MYRFL: variants seen among roughly 807,000 people sequenced by gnomAD.
MYRFL encodes the protein myelin regulatory factor like.
In MYRFL, 88 loss-of-function variants were observed where a neutral mutation model predicts 109.4. The observed-to-expected ratio is 0.80, with a 90% CI of 0.68 to 0.96. The LOEUF is 0.96. MYRFL is among the 40% of genes least tolerant of loss of function. The pLI is 0.00. For missense variants in MYRFL, 957 were observed against 954.9 expected, an observed-to-expected ratio of 1.00 and a Z score of -0.03; for synonymous variants, 324 against 320.9, an observed-to-expected ratio of 1.01 and a Z score of -0.10.
At chr12:69,826,614 T>G (rs1882294332) in intron 1 of MYRFL, among the ~76,000 whole-genome samples, 1 of 152,070 alleles carries the variant, frequency 6.6e-6, no homozygotes, top group African/African-American at 2.4e-5. Context: ...CTGTCCTTGT[T>G]TATACTATTT....
chr12:69,860,826 G>A (rs1306111353), intron 2 of MYRFL, among the ~76,000 whole-genome samples: 4 of 148,394 alleles, frequency 2.7e-5, no homozygotes, highest in Non-Finnish European at 6.0e-5. Context: ...TGCCATGCTG[G>A]TGTGCTGCCC....
At chr12:69,947,763 C>T (rs1955877239) in intron 19 of MYRFL, among the ~76,000 whole-genome samples, 1 of 152,118 alleles carries the variant, frequency 6.6e-6, no homozygotes. Context: ...TTTTAAAGAA[C>T]TCAGCCATCG....
rs71098067 is a variant in MYRFL, at chr12:69,936,078, GTTTTTTTTTTTTTTTTT to G, written c.1917-22_1917-6del. The G allele has an allele frequency of 1.3e-4, 117 of 893,956 alleles. 1 individual carries two copies. The African/African-American group carries it at 2.4e-3, about 19-fold the overall frequency. The allele number at this position is 893,956 out of a possible 1,614,324, so 55.4% of individuals were successfully genotyped here. ...TCTGGAAACAAATCTGCCACATAATGTTTTTTTTTTTTTTTTTTTTTTTTTTTTTGACAGTGCTTTGA... is the reference window on the plus strand; with the variant it reads ...TCTGGAAACAAATCTGCCACATAATGTTTTTTTTTTTTGACAGTGCTTTGA... On this transcript the variant is annotated intron_variant, in intron 16 of 24. Transcript: ENST00000552032.
At chr12:69,854,290 C>A (rs11177903) in intron 1 of MYRFL, among the ~76,000 whole-genome samples, 1 of 150,068 alleles carries the variant, frequency 6.7e-6, no homozygotes, top group Non-Finnish European at 1.5e-5. Context: ...GCCGAGATGG[C>A]GGCAGCACAG....
At chr12:69,861,512 T>C (rs1286026359) in intron 2 of MYRFL, among the ~76,000 whole-genome samples, 3 of 152,224 alleles carry the variant, frequency 2.0e-5, no homozygotes, top group Non-Finnish European at 4.4e-5. Flanking sequence ...TGATGAGCAT[T>C]TTTTCATGTG....
intron 1 of MYRFL, among the ~76,000 whole-genome samples, chr12:69,853,054 A>T (rs1883985524): frequency 6.6e-6 from 1 of 152,196 alleles, no homozygotes. Flanking sequence ...TTTCTGTTCG[A>T]CAAAACCACC....
intron 1 of MYRFL, among the ~76,000 whole-genome samples, chr12:69,836,022 G>A (rs1042120797): frequency 2.0e-5 from 3 of 152,200 alleles, no homozygotes; most frequent in Non-Finnish European, 2.9e-5. Flanking sequence ...TTGGTGTACC[G>A]GAAGAATCGG....
At chr12:69,893,897 T>C in intron 8 of MYRFL, 57 bp downstream of exon 8, 1 of 687,382 alleles carries the variant, frequency 1.5e-6, no homozygotes, top group African/African-American at 1.9e-5. Context: ...ACACCTACTT[T>C]GTTTTTTATA....
At chr12:69,944,611 C>T (rs1372347121) in intron 19 of MYRFL, among the ~76,000 whole-genome samples, 1 of 151,410 alleles carries the variant, frequency 6.6e-6, no homozygotes, top group East Asian at 1.9e-4. Flanking sequence ...GTGCAGCACA[C>T]CAGCATGGCA....
At chr12:69,872,202 G>C (rs920996296) in intron 2 of MYRFL, among the ~76,000 whole-genome samples, 2 of 152,164 alleles carry the variant, frequency 1.3e-5, no homozygotes, top group African/African-American at 4.8e-5. Flanking sequence ...TCATGAAACT[G>C]CTTCACCCTT....
chr12:69,853,500 G>A lies in MYRFL; in HGVS notation c.47-1780G>A, dbSNP rs957437893. 1.0e-4 allele frequency among the ~76,000 whole-genome samples: 14 copies of A among 134,900 alleles called. No homozygotes were observed. In the East Asian group the frequency reaches 1.7e-3, roughly 16 times the overall value. The allele number at this position is 134,900 out of a possible 152,430, so 88.5% of individuals were successfully genotyped here. A position where few individuals can be genotyped will look rare whatever the true frequency, so the allele number is the denominator to read the frequency against. On this transcript the variant is annotated intron_variant, in intron 1 of 24. Transcript: ENST00000552032. ...CGGAGTCGCGGCCAGGCAGAGGCGC[G>A]CCTCACATCCCAGACGGGGCGGCGG...
rs147744686 is a variant in MYRFL, at chr12:69,891,682, T to TTTCGTTCGTTCG, written c.903+520_903+531dup. Among the ~76,000 whole-genome samples, 3 of 101,558 alleles carry TTTCGTTCGTTCG rather than the reference T, an allele frequency of 3.0e-5. No individual in the cohort carries two copies. The South Asian group carries it at 1.2e-3, about 39-fold the overall frequency. 66.6% of individuals were successfully genotyped at this position (101,558 alleles called of 152,430 possible). ...CTTTCTTTCTTTCTTTCTTTCTTTC[T>TTTCGTTCGTTCG]TTCGTTCGTTCGTTCTTTCTTTCTT... On this transcript the variant is annotated intron_variant, in intron 7 of 24. Coordinates refer to ENST00000552032, the MANE Select transcript of MYRFL (RefSeq NM_182530.3).
At chr12:69,891,605 C>CCTCCTTCCTTTCTTTT (rs1886832472) in intron 7 of MYRFL, among the ~76,000 whole-genome samples, 1 of 53,122 alleles carries the variant, frequency 1.9e-5, no homozygotes, top group African/African-American at 5.1e-5. Flanking sequence ...TTCTTTCTTT[C>CCTCCTTCCTTTCTTTT]TCTTTCTTTC....
chr12:69,951,388 C>G (rs117421773), intron 19 of MYRFL, among the ~76,000 whole-genome samples: 7 of 150,090 alleles, frequency 4.7e-5, no homozygotes, highest in African/African-American at 1.7e-4. Flanking sequence ...TCTGTGCACA[C>G]GTAGCCCTAG....
chr12:69,829,470 G>A (rs1882485610), intron 1 of MYRFL, among the ~76,000 whole-genome samples: 1 of 152,026 alleles, frequency 6.6e-6, no homozygotes, highest in South Asian at 2.1e-4. Context: ...GGGCTTCAGG[G>A]AGGTTAAGCA....
At chr12:69,838,322 C>CT (rs1883063626) in intron 1 of MYRFL, among the ~76,000 whole-genome samples, 1 of 152,170 alleles carries the variant, frequency 6.6e-6, no homozygotes, top group South Asian at 2.1e-4. Context: ...TTTTGAAAGG[C>CT]TTTTTCCCTT....
chr12:69,845,412 T>C (rs1187673676), intron 1 of MYRFL, among the ~76,000 whole-genome samples: 1 of 152,210 alleles, frequency 6.6e-6, no homozygotes, highest in African/African-American at 2.4e-5. Context: ...AACTGAAGAC[T>C]CAACTCCACT....
chr12:69,865,946 G>T (rs1324808826), intron 2 of MYRFL, among the ~76,000 whole-genome samples: 1 of 152,080 alleles, frequency 6.6e-6, no homozygotes, highest in Non-Finnish European at 1.5e-5. Flanking sequence ...TATATTTGAT[G>T]TAATATATCT....
At chr12:69,895,590 G>T in intron 9 of MYRFL, 109 bp downstream of exon 9, 2 of 755,800 alleles carry the variant, frequency 2.6e-6, no homozygotes, top group South Asian at 1.7e-5. Flanking sequence ...CAGAACACAG[G>T]GCCTCTAAGC....
Sources: gnomAD v4.1 joint callset for allele counts (sites outside exome capture counted in the v4.1 genomes callset) on GRCh38, gnomAD v4.1.1 for gene constraint, MANE v1.5 for transcripts, NCBI Gene and HGNC (gene_info 2026-07-23, HGNC 2026-07-21) for gene names.